Variants in ADGRV1 observed in about 807,000 individuals in gnomAD.
The protein encoded by ADGRV1 is G-protein coupled receptor 98.
ADGRV1 carries 359 observed loss-of-function variants against 596.2 expected under a neutral mutation model. The observed-to-expected ratio is 0.60, with a 90% CI of 0.55 to 0.66. The LOEUF (loss-of-function observed/expected upper bound fraction) is 0.66, where lower values mean the gene tolerates loss of function less well. ADGRV1 is among the 30% of genes least tolerant of loss of function. The probability of loss-of-function intolerance (pLI) is 0.00; values close to 1 mark genes in which losing one functional copy is unlikely to be tolerated. For missense variants in ADGRV1, 7,274 were observed against 7,575.6 expected (o/e 0.96, Z 1.48); for synonymous variants, 2,681 against 2,679.2 (o/e 1.00, Z -0.02).
intron 82 of ADGRV1, among the ~76,000 whole-genome samples, chr5:90,857,013 G>T (rs2150421892): frequency 6.6e-6 from 1 of 152,068 alleles, no homozygotes; most frequent in East Asian, 1.9e-4. Flanking sequence ...ATTTGTTCTG[G>T]TTGCCAGTCT....
chr5:90,671,455 G>A (rs1452858419), intron 21 of ADGRV1, among the ~76,000 whole-genome samples: 1 of 152,142 alleles, frequency 6.6e-6, no homozygotes, highest in Non-Finnish European at 1.5e-5. Flanking sequence ...TGCCCCTGGT[G>A]TACTCGATCC....
At chr5:91,149,279 A>C (rs1465488320) in intron 87 of ADGRV1, among the ~76,000 whole-genome samples, 2 of 152,204 alleles carry the variant, frequency 1.3e-5, no homozygotes, top group African/African-American at 4.8e-5. Flanking sequence ...CTTGAATTAT[A>C]ATAATCCCCA....
intron 85 of ADGRV1, among the ~76,000 whole-genome samples, chr5:90,996,184 C>T (rs964475578): frequency 3.3e-5 from 5 of 152,124 alleles, no homozygotes. Context: ...GCCTCCTAGG[C>T]ATTTCAGAAA....
intron 61 of ADGRV1, among the ~76,000 whole-genome samples, chr5:90,777,661 T>G (rs1017237157): frequency 1.4e-4 from 22 of 152,204 alleles, no homozygotes; most frequent in African/African-American, 5.3e-4. Flanking sequence ...AACCTTCTGC[T>G]TTTAGTAATC....
At chr5:90,628,912 CT>C in intron 8 of ADGRV1, 80 bp downstream of exon 8, 3 of 1,308,770 alleles carry the variant, frequency 2.3e-6, no homozygotes, top group Non-Finnish European at 3.1e-6. Flanking sequence ...TACACATCAA[CT>C]TTATGTTTAG....
At chr5:90,757,454 A>T (rs574730635) in intron 57 of ADGRV1, among the ~76,000 whole-genome samples, 4 of 152,328 alleles carry the variant, frequency 2.6e-5, no homozygotes, top group South Asian at 2.1e-4. Context: ...AACAATGTAT[A>T]GAAAACTGTC....
chr5:90,823,751 G>C (rs1410899922), intron 76 of ADGRV1, among the ~76,000 whole-genome samples, 155 bp downstream of exon 76: 1 of 152,102 alleles, frequency 6.6e-6, no homozygotes, highest in Admixed American at 6.5e-5. Flanking sequence ...CCGACAACAG[G>C]CTTTAGACAG....
chr5:90,982,514 T>C (rs1279871497), intron 84 of ADGRV1, among the ~76,000 whole-genome samples: 1 of 152,224 alleles, frequency 6.6e-6, no homozygotes, highest in African/African-American at 2.4e-5. Context: ...GTTAACTAAG[T>C]TGAGCTAATG....
chr5:90,821,443 G>A (rs913771874), intron 75 of ADGRV1, among the ~76,000 whole-genome samples: 2 of 151,728 alleles, frequency 1.3e-5, no homozygotes, highest in East Asian at 3.9e-4. Flanking sequence ...ATCCAGCTTT[G>A]TTCCGTTGCT....
Position 90,642,779 on chromosome 5 carries a change from C to T in ADGRV1, c.2367+17C>T. 6.2e-7 allele frequency: 1 copy of T among 1,608,474 alleles called. No individual in the cohort carries two copies. The highest frequency in any genetic ancestry group is 8.5e-7 in the Non-Finnish European group (1 of 1,178,248). ...GTTATAAAAGTAAGTACGAAAAAAA[C>T]TTCCATTTATTCTGTGCTCACAACT... On this transcript the variant is annotated intron_variant, in intron 12 of 89. Transcript: ENST00000405460.
intron 25 of ADGRV1, chr5:90,676,963 G>A (rs1744309445): frequency 6.6e-6 from 1 of 152,294 alleles, no homozygotes; most frequent in East Asian, 1.9e-4. Context: ...TTGATAATAT[G>A]TATCCCAATT....
chr5:91,056,579 A>G (rs1786886314), intron 85 of ADGRV1, among the ~76,000 whole-genome samples: 2 of 152,052 alleles, frequency 1.3e-5, no homozygotes, highest in Middle Eastern at 3.4e-3. Flanking sequence ...CACCTTTCCA[A>G]TTTGCTTCAA....
At position 90,716,685 on chromosome 5, in the gene ADGRV1, C is replaced by CCTTTAGAGTCTT; in HGVS notation, c.9406_9407insTAGAGTCTTCTT (p.Pro3135_Ser3136insLeuGluSerSer). 6.2e-7 allele frequency: 1 copy of CCTTTAGAGTCTT among 1,612,762 alleles called. No homozygotes were observed. Among genetic ancestry groups the CCTTTAGAGTCTT allele is most frequent in the Non-Finnish European group, 8.5e-7 (1 of 1,178,814 alleles). ...CTCAAATGAATCTAAAGATCTGACT[C>CCTTTAGAGTCTT]CTTCCAAAGGCTATATTGTTTTAGA... On this transcript the variant is annotated inframe_insertion, in exon 43 of 90. Coordinates refer to ENST00000405460, the MANE Select transcript of ADGRV1 (RefSeq NM_032119.4).
rs747831003 is a variant in ADGRV1, at chr5:90,676,128, A to G, written c.5362A>G (p.Ile1788Val). ...EFQPGERYKY[I>V]FINITDNSIP... ...TCAACCAGGAGAAAGATATAAATAC[A>G]TTTTCATAAACATCACTGATAATTC... The change falls in exon 25 of 90, where the codon ATT (isoleucine) becomes GTT (valine). Residue 1788 changes from isoleucine (I) to valine (V), a missense_variant. Transcript: ENST00000405460. 6.2e-7 allele frequency: 1 copy of G among 1,605,326 alleles called. No individual in the cohort carries two copies. Among genetic ancestry groups the G allele is most frequent in the South Asian group, 1.1e-5 (1 of 89,880 alleles).
At chr5:90,933,632 G>A (rs1012036976) in intron 83 of ADGRV1, among the ~76,000 whole-genome samples, 40 of 152,120 alleles carry the variant, frequency 2.6e-4, no homozygotes, top group African/African-American at 9.2e-4. Context: ...TAACTTTTCA[G>A]AGAATCTCTC....
chr5:91,018,907 G>A (rs13163377), intron 85 of ADGRV1, among the ~76,000 whole-genome samples: 1 of 151,950 alleles, frequency 6.6e-6, no homozygotes, highest in Non-Finnish European at 1.5e-5. Context: ...TCACCATCTA[G>A]GTGTTGAGCC....
intron 84 of ADGRV1, among the ~76,000 whole-genome samples, chr5:90,973,374 C>T (rs1021523528): frequency 3.3e-5 from 5 of 152,200 alleles, no homozygotes; most frequent in South Asian, 2.1e-4. Flanking sequence ...CATCCTGACA[C>T]CAAAGCCTGG....
intron 58 of ADGRV1, chr5:90,759,798 C>T: frequency 2.0e-6 from 1 of 497,254 alleles, no homozygotes; most frequent in Non-Finnish European, 3.7e-6. Context: ...ATTCCCGTCT[C>T]TACTGAAAGT....
Position 90,720,082 on chromosome 5 carries a change from C to T in ADGRV1, c.9482C>T (p.Pro3161Leu), listed in dbSNP as rs759779957. The change falls in exon 44 of 90, where the codon CCA becomes CTA. Residue 3161 changes from proline to leucine, a missense_variant. By Grantham distance (98) the Pro-to-Leu change is moderately conservative (BLOSUM62 -3). This residue lies in a region of ADGRV1 where 3,643 missense variants were observed against 3,809.2 expected (regional missense o/e 0.96). Transcript: ENST00000405460. Reference sequence around the variant, plus strand: ...ATATCTGCCATATTAGACACGGAACCAGAAATGGATGAGTATTTTGTTTGC... The same window carrying T: ...ATATCTGCCATATTAGACACGGAACTAGAAATGGATGAGTATTTTGTTTGC... ...LQISAILDTE[P>L]EMDEYFVCTL... 2 of 1,613,688 alleles carry T rather than the reference C, an allele frequency of 1.2e-6. No individual in the cohort carries two copies. Among genetic ancestry groups the T allele is most frequent in the Non-Finnish European group, 1.7e-6 (2 of 1,179,670 alleles).
Sources: allele counts gnomAD v4.1 joint callset (sites outside exome capture counted in the v4.1 genomes callset), GRCh38; gene constraint gnomAD v4.1.1; regional missense constraint gnomAD v4.1.1; transcripts MANE v1.5; gene names NCBI Gene and HGNC (gene_info 2026-07-23, HGNC 2026-07-21).